NXN: variants seen among roughly 807,000 people sequenced by gnomAD.
The protein encoded by NXN is nucleoredoxin 1.
A neutral mutation model predicts 48.6 loss-of-function variants in NXN; 16 were observed. That is an observed-to-expected ratio of 0.33 (90% CI 0.22 to 0.50). The LOEUF is 0.50. Ranked by LOEUF, NXN falls within the 20% of genes least tolerant of loss-of-function variation. The pLI, the probability that NXN is intolerant of heterozygous loss-of-function variation, is 0.98. For missense variants in NXN, 492 were observed against 605.5 expected, an observed-to-expected ratio of 0.81 and a Z score of 1.97; for synonymous variants, 281 against 269.6, an observed-to-expected ratio of 1.04 and a Z score of -0.41.
rs904217541 is a variant in NXN, at chr17:799,581, C to T, written c.*1368G>A. ...GGGGCCTGAGTGAATGAGGCTAAAA[C>T]GCTTGGCCGAAGCCGTCCATCCCCA... is the stretch of plus-strand genomic sequence containing the variant. On this transcript the variant is annotated 3_prime_UTR_variant, in exon 8 of 8. Transcript: ENST00000336868. 6 of 152,220 alleles carry T rather than the reference C, an allele frequency of 3.9e-5. No individual in the cohort carries two copies. The highest frequency in any genetic ancestry group is 2.1e-4 in the South Asian group (1 of 4,830). The allele number at this position is 152,220 out of a possible 1,614,324, so 9.4% of individuals were successfully genotyped here. A position where few individuals can be genotyped will look rare whatever the true frequency, so the allele number is the denominator to read the frequency against.
At chr17:898,264 C>A (rs1353454151) in intron 1 of NXN, among the ~76,000 whole-genome samples, 2 of 152,148 alleles carry the variant, frequency 1.3e-5, no homozygotes, top group East Asian at 3.8e-4. Flanking sequence ...GGACAAACAA[C>A]CCTGGGGGAA....
rs918547105 is a variant in NXN, at chr17:963,340, C to T, written c.360+15979G>A. ...TATCCGGGCTAGGCGCAGTGGCTCA[C>T]GTATGTAATCCCAGCACATTGGGAG... On this transcript the variant is annotated intron_variant, in intron 1 of 7. Coordinates refer to ENST00000336868, the MANE Select transcript of NXN (RefSeq NM_022463.5). 6.6e-5 allele frequency among the ~76,000 whole-genome samples: 10 copies of T among 152,110 alleles called. No homozygotes were observed. In the South Asian group the frequency reaches 1.5e-3, roughly 22 times the overall value.
At chr17:957,019 T>A (rs183075488) in intron 1 of NXN, among the ~76,000 whole-genome samples, 1 of 152,312 alleles carries the variant, frequency 6.6e-6, no homozygotes, top group Non-Finnish European at 1.5e-5. Flanking sequence ...AGCTTAATTA[T>A]AAACGCCTTT....
In NXN at chr17:801,193, C is replaced by T; in HGVS notation, c.1126-62G>A. The T allele has an allele frequency of 3.0e-6, 4 of 1,343,728 alleles. No homozygotes were observed. In the South Asian group the frequency reaches 5.2e-5, roughly 17 times the overall value. 83.2% of individuals were successfully genotyped at this position (1,343,728 alleles called of 1,614,324 possible). A position where few individuals can be genotyped will look rare whatever the true frequency, so the allele number is the denominator to read the frequency against. ...TTAAAGAAAGGAGGGGGAGAGTCCC[C>T]TGGGCCCAGTCTCCCCAGGTGTGGT... On this transcript the variant is annotated intron_variant, in intron 7 of 7. Transcript: ENST00000336868.
At chr17:815,806 G>A (rs189990863) in intron 5 of NXN, among the ~76,000 whole-genome samples, 1 of 152,330 alleles carries the variant, frequency 6.6e-6, no homozygotes, top group Admixed American at 6.5e-5. Context: ...CATGTGTGAG[G>A]GGTGCTCCAA....
chr17:953,137 A>G (rs972842653), intron 1 of NXN, among the ~76,000 whole-genome samples: 2 of 152,002 alleles, frequency 1.3e-5, no homozygotes, highest in Admixed American at 6.6e-5. Flanking sequence ...ATGTCTGAGT[A>G]GCTCCCTGAA....
chr17:866,711 C>T (rs532909991), intron 1 of NXN, among the ~76,000 whole-genome samples: 19 of 152,324 alleles, frequency 1.2e-4, no homozygotes, highest in African/African-American at 3.8e-4. Context: ...CAGCCTCTAA[C>T]GTTGTTCAAT....
intron 6 of NXN, 89 bp downstream of exon 6, chr17:804,972 CAGAGAGA>C (rs1228601544): frequency 5.3e-6 from 7 of 1,330,604 alleles, no homozygotes; most frequent in Non-Finnish European, 6.3e-6. Flanking sequence ...CTGCTGGTGA[CAGAGAGA>C]AGCGGCAGGG....
In NXN at chr17:827,055, A is replaced by G. The variant is rs549655879; in HGVS notation, c.361-977T>C. On this transcript the variant is annotated intron_variant, in intron 1 of 7. Coordinates refer to ENST00000336868, the MANE Select transcript of NXN (RefSeq NM_022463.5). ...CTCCCCGCCAAGCCCAAAAAGCCAC[A>G]TAATTAAATGCAATGTCGGGGCCGG... Among the ~76,000 whole-genome samples, 8 of 152,356 alleles carry G rather than the reference A, an allele frequency of 5.3e-5. No homozygotes were observed. The South Asian group carries it at 1.4e-3, about 28-fold the overall frequency.
intron 2 of NXN, among the ~76,000 whole-genome samples, chr17:824,150 C>T (rs908437573): frequency 7.2e-5 from 11 of 152,054 alleles, no homozygotes; most frequent in Non-Finnish European, 1.0e-4. Flanking sequence ...CGCCATTCCC[C>T]GGCCTCAGCC....
chr17:858,928 G>A (rs1200460538), intron 1 of NXN, among the ~76,000 whole-genome samples: 2 of 152,112 alleles, frequency 1.3e-5, no homozygotes, highest in Non-Finnish European at 2.9e-5. Context: ...AGCCAGCCAA[G>A]AGCAGGCAGG....
chr17:969,138 G>A (rs958730925), intron 1 of NXN, among the ~76,000 whole-genome samples: 20 of 152,098 alleles, frequency 1.3e-4, no homozygotes, highest in African/African-American at 4.6e-4. Context: ...AATGAATACC[G>A]AAGCGCCTGG....
At chr17:801,443 CTTTTTTT>C (rs71371579) in intron 7 of NXN, among the ~76,000 whole-genome samples, 6 of 104,316 alleles carry the variant, frequency 5.8e-5, no homozygotes, top group Admixed American at 2.6e-4. Flanking sequence ...ATGTCACATT[CTTTTTTT>C]TTTTTTTTTT....
At chr17:897,449 C>T (rs749452698) in intron 1 of NXN, among the ~76,000 whole-genome samples, 2 of 152,152 alleles carry the variant, frequency 1.3e-5, no homozygotes, top group African/African-American at 2.4e-5. Context: ...GCATCCTTAC[C>T]ACATCAGTCA....
rs763263763 is a variant in NXN at position 803,715 on chromosome 17, C to T, written c.1092G>A (p.Glu364=). The part of the protein sequence containing the change: ...KIIAKYKAKE[E]EAPLLFFVAG... ...CTACGAAGAACAGAAGGGGTGCCTC[C>T]TCCTCTTTGGCTTTGTACTTGGCAA... Residue 364 remains glutamate, a synonymous_variant, in exon 7 of 8, where the codon GAG becomes GAA. Transcript: ENST00000336868. 6.2e-7 allele frequency: 1 copy of T among 1,614,240 alleles called. No individual in the cohort carries two copies. Among genetic ancestry groups the T allele is most frequent in the South Asian group, 1.1e-5 (1 of 91,082 alleles).
chr17:979,464 G>A lies in NXN; in HGVS notation c.215C>T (p.Ala72Val). ...GGGCTCCGCCGCCGCCCCGGCCCCC[G>A]CTCCCGGCCCCGGCCCGGCCGCCGC... ...GDAAAGPGPG[A>V]GAGAAAEPEP... The change falls in exon 1 of 8, where the codon GCG becomes GTG. Residue 72 changes from alanine to valine, a missense_variant. Transcript: ENST00000336868. The A allele has an allele frequency of 8.3e-7, 1 of 1,206,336 alleles. No individual in the cohort carries two copies. Among genetic ancestry groups the A allele is most frequent in the South Asian group, 3.0e-5 (1 of 33,168 alleles). The allele number at this position is 1,206,336 out of a possible 1,614,324, so 74.7% of individuals were successfully genotyped here. A position where few individuals can be genotyped will look rare whatever the true frequency, so the allele number is the denominator to read the frequency against.
At position 979,746 on chromosome 17, in the gene NXN, G is replaced by T; in HGVS notation, c.-68C>A. On this transcript the variant is annotated 5_prime_UTR_variant, in exon 1 of 8. Transcript: ENST00000336868. ...CACGGTCCGCGCGGCGGGAGGAGGCGGCGGCGTCGGCGGCAGGCGCTGGGG... is the reference window on the plus strand; with the variant it reads ...CACGGTCCGCGCGGCGGGAGGAGGCTGCGGCGTCGGCGGCAGGCGCTGGGG... 8.2e-7 allele frequency: 1 copy of T among 1,219,150 alleles called. No homozygotes were observed. Among genetic ancestry groups the T allele is most frequent in the Middle Eastern group, 3.0e-4 (1 of 3,302 alleles). The allele number at this position is 1,219,150 out of a possible 1,614,324, so 75.5% of individuals were successfully genotyped here.
chr17:960,273 G>C (rs1341622006), intron 1 of NXN, among the ~76,000 whole-genome samples: 1 of 152,092 alleles, frequency 6.6e-6, no homozygotes, highest in Admixed American at 6.5e-5. Context: ...GTATAATTTG[G>C]GATCTCGCTT....
chr17:875,549 C>T (rs2068204433), intron 1 of NXN, among the ~76,000 whole-genome samples: 1 of 152,078 alleles, frequency 6.6e-6, no homozygotes, highest in Non-Finnish European at 1.5e-5. Context: ...AAGATCGAAT[C>T]AGACTAGTGT....
Sources: allele counts gnomAD v4.1 joint callset (sites outside exome capture counted in the v4.1 genomes callset), GRCh38; gene constraint gnomAD v4.1.1; transcripts MANE v1.5; gene names NCBI Gene and HGNC (gene_info 2026-07-23, HGNC 2026-07-21).